Variants in NEK1 observed in about 807,000 individuals in gnomAD.
The protein encoded by NEK1 is serine/threonine-protein kinase Nek1.
A neutral mutation model predicts 182.1 loss-of-function variants in NEK1; 137 were observed. The observed-to-expected ratio is 0.75, with a 90% CI of 0.65 to 0.87. NEK1 has a LOEUF of 0.87. NEK1 is among the 40% of genes least tolerant of loss of function. The probability of loss-of-function intolerance (pLI) is 0.00; values close to 1 mark genes in which losing one functional copy is unlikely to be tolerated. For synonymous variants in NEK1, 513 were observed against 492.2 expected (o/e 1.04, Z -0.56); for missense variants, 1,391 against 1,494.4 (o/e 0.93, Z 1.14).
chr4:169,415,927 T>G (rs1275166912), intron 31 of NEK1, among the ~76,000 whole-genome samples: 2 of 152,188 alleles, frequency 1.3e-5, no homozygotes. Context: ...GCTAAGGAAC[T>G]GCTTGTGAGG....
At chr4:169,563,373 AT>A (rs113899830) in intron 12 of NEK1, among the ~76,000 whole-genome samples, 4,625 of 151,926 alleles carry the variant, frequency 0.03, 184 homozygotes, top group African/African-American at 0.085. Flanking sequence ...AAAAATAAAA[AT>A]AAAAAAATCA....
chr4:169,544,947 AT>A (rs1438260886), intron 18 of NEK1, among the ~76,000 whole-genome samples: 6 of 147,636 alleles, frequency 4.1e-5, no homozygotes, highest in African/African-American at 7.5e-5. Context: ...GGATTCATTG[AT>A]TTTTTGAAGG....
chr4:169,584,436 T>C (rs942450279), intron 10 of NEK1, among the ~76,000 whole-genome samples: 6 of 151,398 alleles, frequency 4.0e-5, no homozygotes, highest in Non-Finnish European at 7.4e-5. Flanking sequence ...ATATGGTGAG[T>C]CTCTGCCTCT....
intron 27 of NEK1, among the ~76,000 whole-genome samples, chr4:169,440,908 G>A (rs972328892): frequency 3.3e-5 from 5 of 152,172 alleles, no homozygotes; most frequent in African/African-American, 9.6e-5. Flanking sequence ...GCAACATGGT[G>A]CCACTTTGAG....
chr4:169,414,991 T>C (rs113310123), intron 31 of NEK1, among the ~76,000 whole-genome samples: 7 of 152,214 alleles, frequency 4.6e-5, no homozygotes, highest in Non-Finnish European at 1.0e-4. Flanking sequence ...TTATAGGTTA[T>C]CAATTGTATC....
chr4:169,567,366 T>C (rs946710141), intron 12 of NEK1, among the ~76,000 whole-genome samples: 2 of 152,094 alleles, frequency 1.3e-5, no homozygotes, highest in African/African-American at 2.4e-5. Context: ...TACTTTCACA[T>C]TGTTGTTCAC....
chr4:169,526,585 C>A (rs1244879532), intron 19 of NEK1, among the ~76,000 whole-genome samples: 1 of 152,210 alleles, frequency 6.6e-6, no homozygotes, highest in African/African-American at 2.4e-5. Flanking sequence ...AAACTATTTA[C>A]ATTTTCCCAT....
chr4:169,402,405 C>T (rs2111039709), intron 32 of NEK1, among the ~76,000 whole-genome samples: 1 of 152,062 alleles, frequency 6.6e-6, no homozygotes, highest in East Asian at 1.9e-4. Flanking sequence ...ATAGGATGAC[C>T]CAGTGAATAA....
chr4:169,400,680 G>C (rs1731511026), intron 33 of NEK1, 29 bp from the exon 34 acceptor site: 1 of 1,504,970 alleles, frequency 6.6e-7, no homozygotes, highest in Non-Finnish European at 9.0e-7. Flanking sequence ...ATAGAGATTT[G>C]ATTTAAAAAG....
At position 169,433,453 on chromosome 4, in the gene NEK1, T is replaced by C. The variant is rs73864615; in HGVS notation, c.2885+92A>G. On this transcript the variant is annotated intron_variant, in intron 29 of 35. Transcript: ENST00000507142. ...TATAAGGTATTACAATATTAGGATA[T>C]TATGTTGCAATATTAGCTTATTATA... The C allele has an allele frequency of 3.1e-3, 3,669 of 1,182,064 alleles. 74 individuals are homozygous for C. The African/African-American group carries it at 0.049, about 16-fold the overall frequency. 73.2% of individuals were successfully genotyped at this position (1,182,064 alleles called of 1,614,324 possible).
chr4:169,423,130 A>G (rs1238392721), intron 31 of NEK1, among the ~76,000 whole-genome samples: 1 of 152,142 alleles, frequency 6.6e-6, no homozygotes, highest in Non-Finnish European at 1.5e-5. Flanking sequence ...TGAGACAGAG[A>G]CTCACTCTGT....
chr4:169,611,386 G>A (rs1057051233), intron 2 of NEK1, among the ~76,000 whole-genome samples: 6 of 152,060 alleles, frequency 3.9e-5, no homozygotes, highest in African/African-American at 1.4e-4. Context: ...CTAGAAACAA[G>A]GAGTTACTTC....
At chr4:169,400,151 T>C (rs1336610324) in intron 35 of NEK1, 74 bp downstream of exon 35, 1 of 1,379,176 alleles carries the variant, frequency 7.3e-7, no homozygotes, top group East Asian at 2.4e-5. Context: ...TGATGTAAGC[T>C]GATTCATATA....
intron 11 of NEK1, among the ~76,000 whole-genome samples, chr4:169,578,838 T>C (rs745844856): frequency 4.6e-5 from 7 of 152,098 alleles, no homozygotes; most frequent in Non-Finnish European, 8.8e-5. Flanking sequence ...AGGGTAAGGT[T>C]TTCCAAACAC....
At chr4:169,486,606 T>C (rs1359192365) in intron 23 of NEK1, among the ~76,000 whole-genome samples, 4 of 152,258 alleles carry the variant, frequency 2.6e-5, no homozygotes, top group African/African-American at 9.6e-5. Flanking sequence ...TCATATTTAA[T>C]GTCTCAAAAC....
At chr4:169,572,012 G>C (rs1764946549) in intron 12 of NEK1, among the ~76,000 whole-genome samples, 1 of 151,454 alleles carries the variant, frequency 6.6e-6, no homozygotes, top group African/African-American at 2.4e-5. Context: ...CCAAAGTGCT[G>C]GGATTACAGG....
At chr4:169,580,537 T>G (rs1766466120) in intron 11 of NEK1, among the ~76,000 whole-genome samples, 1 of 149,360 alleles carries the variant, frequency 6.7e-6, no homozygotes, top group Non-Finnish European at 1.5e-5. Context: ...TATATAAAGA[T>G]TTACACAAAA....
intron 30 of NEK1, 95 bp from the exon 31 acceptor site, chr4:169,424,895 C>CA (rs1194107472): frequency 4.7e-6 from 6 of 1,275,092 alleles, no homozygotes; most frequent in African/African-American, 1.5e-5. Context: ...CAAATTCTAG[C>CA]AAAAAACCCA....
intron 30 of NEK1, 48 bp from the exon 31 acceptor site, chr4:169,424,848 A>C: frequency 1.3e-6 from 2 of 1,507,532 alleles, no homozygotes; most frequent in Non-Finnish European, 1.8e-6. Context: ...CAGTACTTAA[A>C]GTTCTAAATG....
Sources: allele counts gnomAD v4.1 joint callset (sites outside exome capture counted in the v4.1 genomes callset), GRCh38; gene constraint gnomAD v4.1.1; transcripts MANE v1.5; gene names NCBI Gene and HGNC (gene_info 2026-07-23, HGNC 2026-07-21).